The following STK32C variants were observed in gnomAD, a reference collection of about 807,000 sequenced individuals.
STK32C encodes serine/threonine-protein kinase 32C.
Under a neutral mutation model 56.5 loss-of-function variants are expected in STK32C, and 31 were observed. The observed-to-expected ratio is 0.55, with a 90% confidence interval of 0.41 to 0.74. The LOEUF (loss-of-function observed/expected upper bound fraction) is 0.74. STK32C is among the 30% of genes least tolerant of loss of function. STK32C has a pLI of 0.00. For missense variants in STK32C, 544 were observed against 676.9 expected (o/e 0.80, Z 2.18); for synonymous variants, 309 against 289.4 (o/e 1.07, Z -0.69).
chr10:132,216,739 G>A (rs1010063209), intron 10 of STK32C, among the ~76,000 whole-genome samples: 3 of 152,212 alleles, frequency 2.0e-5, no homozygotes, highest in Admixed American at 2.0e-4. Context: ...GACTGAAAGG[G>A]GCCAAGGTAC....
At chr10:132,208,304 GAT>G (rs1370195416) in intron 11 of STK32C, among the ~76,000 whole-genome samples, 153 bp from the exon 12 acceptor site, 1 of 152,244 alleles carries the variant, frequency 6.6e-6, no homozygotes, top group Admixed American at 6.5e-5. Flanking sequence ...CCATGCTCCC[GAT>G]ACACTGGCAG....
At chr10:132,319,615 C>T (rs2066367027), downstream of STK32C, among the ~76,000 whole-genome samples, 1 of 152,158 alleles carries the variant, frequency 6.6e-6, no homozygotes, top group Non-Finnish European at 1.5e-5. Context: ...AAATGTGCAC[C>T]CCATTGTCCA....
chr10:132,256,049 C>T (rs1411584435), intron 1 of STK32C, among the ~76,000 whole-genome samples: 1 of 152,226 alleles, frequency 6.6e-6, no homozygotes. Flanking sequence ...GCACCACCAC[C>T]CTTCCAGCCT....
chr10:132,324,867 T>C (rs775837988), intron 1 of STK32C, among the ~76,000 whole-genome samples: 5 of 152,146 alleles, frequency 3.3e-5, no homozygotes, highest in African/African-American at 7.2e-5. Flanking sequence ...GAAGGACAAC[T>C]GAAAGTGGGA....
intron 10 of STK32C, among the ~76,000 whole-genome samples, chr10:132,213,023 C>T (rs923994338): frequency 1.3e-5 from 2 of 152,220 alleles, no homozygotes; most frequent in African/African-American, 2.4e-5. Flanking sequence ...ATGAGGCCCC[C>T]AACGTTTTGT....
chr10:132,225,194 G>A (rs375311948), intron 7 of STK32C, 39 bp downstream of exon 7: 2 of 1,527,114 alleles, frequency 1.3e-6, no homozygotes, highest in Non-Finnish European at 1.8e-6. Context: ...GAGAGCAGGG[G>A]CCTGGCAGCC....
chr10:132,320,093 A>G (rs1017850539), downstream of STK32C, among the ~76,000 whole-genome samples: 2 of 152,108 alleles, frequency 1.3e-5, no homozygotes, highest in Non-Finnish European at 2.9e-5. Flanking sequence ...TATAAAGCCA[A>G]GAAAAACTAG....
intron 1 of STK32C, among the ~76,000 whole-genome samples, chr10:132,274,438 G>GT (rs1375180242): frequency 6.6e-6 from 1 of 152,184 alleles, no homozygotes; most frequent in African/African-American, 2.4e-5. Flanking sequence ...AGAAATTTTC[G>GT]TATGTGTTTG....
intron 1 of STK32C, among the ~76,000 whole-genome samples, chr10:132,293,607 C>T (rs1590417426): frequency 2.6e-5 from 4 of 152,216 alleles, no homozygotes; most frequent in East Asian, 1.9e-4. Context: ...CGGAGGGTGC[C>T]GTGGGCAGAG....
chr10:132,248,382 G>A (rs1049093710), intron 1 of STK32C, among the ~76,000 whole-genome samples: 5 of 152,228 alleles, frequency 3.3e-5, no homozygotes, highest in African/African-American at 1.2e-4. Flanking sequence ...GCCCTGCAGT[G>A]GGGAGGGGAC....
At chr10:132,249,105 G>T in intron 1 of STK32C, 1 of 471,448 alleles carries the variant, frequency 2.1e-6, no homozygotes, top group East Asian at 6.4e-5. Flanking sequence ...GCAGCAAGGC[G>T]CATGCGTGCC....
At chr10:132,225,143 A>G (rs902628) in intron 7 of STK32C, 90 bp downstream of exon 7, 853,540 of 1,033,170 alleles carry the variant, frequency 0.83, 353,144 homozygotes, top group African/African-American at 0.9. Context: ...GCGCACCTGG[A>G]CACTGGGGCA....
At chr10:132,268,956 C>CGT (rs149137293) in intron 1 of STK32C, among the ~76,000 whole-genome samples, 14,125 of 126,506 alleles carry the variant, frequency 0.11, 894 homozygotes, top group East Asian at 0.37. Flanking sequence ...TGTCTCACAT[C>CGT]GTGTGTGTGT....
intron 2 of STK32C, among the ~76,000 whole-genome samples, chr10:132,236,935 C>T (rs951716589): frequency 4.6e-5 from 7 of 152,178 alleles, no homozygotes; most frequent in Non-Finnish European, 7.4e-5. Context: ...AGGCCTGCCA[C>T]GCGCCCGCCA....
intron 1 of STK32C, among the ~76,000 whole-genome samples, chr10:132,275,600 C>T (rs140328606): frequency 0.012 from 1,787 of 152,338 alleles, 118 homozygotes; most frequent in Admixed American, 0.11. Flanking sequence ...TGCAGGGTCA[C>T]AGCACAGCCA....
intron 10 of STK32C, among the ~76,000 whole-genome samples, chr10:132,210,553 G>T (rs1297826068): frequency 1.3e-5 from 2 of 152,214 alleles, no homozygotes. Context: ...TGGCCCTGTG[G>T]ATCCTATTAA....
chr10:132,306,418 G>A (rs57934648), intron 1 of STK32C, among the ~76,000 whole-genome samples: 1,641 of 152,358 alleles, frequency 0.011, 28 homozygotes, highest in African/African-American at 0.037. Context: ...ACACAGTGAC[G>A]GGCCACCCTG....
chr10:132,219,210 T>C (rs1405535261), intron 10 of STK32C, among the ~76,000 whole-genome samples: 1 of 152,214 alleles, frequency 6.6e-6, no homozygotes, highest in Admixed American at 6.5e-5. Context: ...GCATGGAATG[T>C]GAATTATATC....
intron 2 of STK32C, among the ~76,000 whole-genome samples, chr10:132,234,638 C>CCTG (rs1480254232): frequency 6.6e-6 from 1 of 152,244 alleles, no homozygotes; most frequent in Non-Finnish European, 1.5e-5. Context: ...CTCTCCCCCT[C>CCTG]CTGCTTGGGG....
Sources: allele counts gnomAD v4.1 joint callset (sites outside exome capture counted in the v4.1 genomes callset), GRCh38; gene constraint gnomAD v4.1.1; transcripts MANE v1.5; gene names NCBI Gene and HGNC (gene_info 2026-07-23, HGNC 2026-07-21).